The following ST8SIA2 variants were observed in gnomAD, a reference collection of about 807,000 sequenced individuals.
The protein encoded by ST8SIA2 is ST8 alpha-N-acetyl-neuraminide alpha-2,8-sialyltransferase 2.
Under a neutral mutation model 37.6 loss-of-function variants are expected in ST8SIA2, and 22 were observed. That is an observed-to-expected ratio of 0.58 (90% CI 0.42 to 0.83). The LOEUF is 0.83. ST8SIA2 is among the 40% of genes least tolerant of loss of function. The pLI is 0.00. For synonymous variants in ST8SIA2, 205 were observed against 201.2 expected (o/e 1.02, Z -0.16); for missense variants, 382 against 484.7 (o/e 0.79, Z 1.99).
At chr15:92,435,130 G>A (rs2049747259) in intron 3 of ST8SIA2, among the ~76,000 whole-genome samples, 1 of 152,224 alleles carries the variant, frequency 6.6e-6, no homozygotes, top group Non-Finnish European at 1.5e-5. Context: ...TGGGGCCCCA[G>A]GAGTGCTAGC....
intron 1 of ST8SIA2, among the ~76,000 whole-genome samples, chr15:92,424,368 G>A (rs1403995136): frequency 6.6e-5 from 10 of 152,124 alleles, no homozygotes; most frequent in East Asian, 3.9e-4. Context: ...ACACAGTTAC[G>A]AATTTTCAAT....
chr15:92,394,588 G>A (rs1056576167), intron 1 of ST8SIA2, among the ~76,000 whole-genome samples: 1 of 152,174 alleles, frequency 6.6e-6, no homozygotes, highest in African/African-American at 2.4e-5. Flanking sequence ...AAAGTGGGCA[G>A]GGGGCGCGCA....
intron 1 of ST8SIA2, among the ~76,000 whole-genome samples, chr15:92,405,080 C>G (rs1214440590): frequency 6.9e-6 from 1 of 145,214 alleles, no homozygotes; most frequent in Non-Finnish European, 1.5e-5. Flanking sequence ...GGCAATATAG[C>G]AAGACCCTGT....
chr15:92,436,219 A>G (rs1218162041), intron 3 of ST8SIA2, among the ~76,000 whole-genome samples: 3 of 152,096 alleles, frequency 2.0e-5, no homozygotes, highest in Admixed American at 6.5e-5. Context: ...GGAGGTGGGC[A>G]TATATTTTAG....
At chr15:92,412,050 G>A (rs114115207) in intron 1 of ST8SIA2, among the ~76,000 whole-genome samples, 4,211 of 152,154 alleles carry the variant, frequency 0.028, 195 homozygotes, top group African/African-American at 0.093. Flanking sequence ...CCAGGTTGTC[G>A]GCAGATCCCC....
intron 3 of ST8SIA2, among the ~76,000 whole-genome samples, chr15:92,436,625 G>A (rs182919941): frequency 2.6e-5 from 4 of 152,286 alleles, no homozygotes; most frequent in Admixed American, 2.0e-4. Context: ...TTTGGGGTAA[G>A]TAATTGCAAA....
chr15:92,427,053 C>T (rs1024815715), intron 1 of ST8SIA2, among the ~76,000 whole-genome samples: 11 of 152,152 alleles, frequency 7.2e-5, no homozygotes, highest in African/African-American at 1.9e-4. Flanking sequence ...GAGATCAGGC[C>T]ACTGCACTGT....
intron 4 of ST8SIA2, among the ~76,000 whole-genome samples, chr15:92,440,087 C>G (rs1362427753): frequency 6.6e-6 from 1 of 152,170 alleles, no homozygotes; most frequent in Non-Finnish European, 1.5e-5. Flanking sequence ...CAGATTTTGG[C>G]CACAGTTTCC....
At chr15:92,421,450 G>A (rs1297539865) in intron 1 of ST8SIA2, 1 of 152,112 alleles carries the variant, frequency 6.6e-6, no homozygotes, top group Non-Finnish European at 1.5e-5. Context: ...AAATTCAAAA[G>A]AAGAATAACA....
chr15:92,437,023 G>A (rs769136622), intron 3 of ST8SIA2, among the ~76,000 whole-genome samples: 4 of 152,318 alleles, frequency 2.6e-5, no homozygotes, highest in African/African-American at 4.8e-5. Flanking sequence ...CTACTGGAAC[G>A]TACCATAGGT....
chr15:92,416,779 C>T (rs541954213), intron 1 of ST8SIA2, among the ~76,000 whole-genome samples: 36 of 152,194 alleles, frequency 2.4e-4, no homozygotes, highest in South Asian at 8.3e-4. Flanking sequence ...TCGGATGTGC[C>T]TCTTGTGCTG....
chr15:92,451,160 A>T (rs1008881434), intron 5 of ST8SIA2, among the ~76,000 whole-genome samples: 1 of 152,210 alleles, frequency 6.6e-6, no homozygotes, highest in Non-Finnish European at 1.5e-5. Flanking sequence ...GCCACCCAGC[A>T]TCTAAGTGGC....
chr15:92,446,572 C>T (rs1230607405), intron 5 of ST8SIA2, among the ~76,000 whole-genome samples: 1 of 152,218 alleles, frequency 6.6e-6, no homozygotes, highest in Admixed American at 6.5e-5. Context: ...CTGTTCTATA[C>T]ACTAAGACAC....
At chr15:92,394,694 G>A (rs77308586) in intron 1 of ST8SIA2, among the ~76,000 whole-genome samples, 2 of 152,152 alleles carry the variant, frequency 1.3e-5, no homozygotes, top group Non-Finnish European at 2.9e-5. Context: ...TGCACACACA[G>A]ACAGGCACAC....
chr15:92,402,025 G>GGAT (rs2049475867), intron 1 of ST8SIA2, among the ~76,000 whole-genome samples: 1 of 151,950 alleles, frequency 6.6e-6, no homozygotes, highest in Non-Finnish European at 1.5e-5. Flanking sequence ...TTTTCCTTTG[G>GGAT]GATACTAAGA....
chr15:92,425,696 G>A (rs2049670410), intron 1 of ST8SIA2, among the ~76,000 whole-genome samples: 1 of 152,208 alleles, frequency 6.6e-6, no homozygotes, highest in South Asian at 2.1e-4. Context: ...AATGGGCACG[G>A]TGGGGCCAGA....
intron 2 of ST8SIA2, among the ~76,000 whole-genome samples, chr15:92,432,759 T>C (rs1304847293): frequency 6.6e-6 from 1 of 152,112 alleles, no homozygotes; most frequent in African/African-American, 2.4e-5. Flanking sequence ...GTCAGAAATA[T>C]TGAGGAATGG....
chr15:92,466,758 G>T lies in ST8SIA2; in HGVS notation c.*2373G>T. On this transcript the variant is annotated 3_prime_UTR_variant, in exon 6 of 6. Transcript: ENST00000268164. Reference sequence around the variant, plus strand: ...TGCACCGTTCCCCTCCTCGGCTTGAGTCCTGCACTACCAAAATGGCCTGGC... The same window carrying T: ...TGCACCGTTCCCCTCCTCGGCTTGATTCCTGCACTACCAAAATGGCCTGGC... 6.6e-6 allele frequency: 1 copy of T among 152,408 alleles called. No homozygotes were observed. The highest frequency in any genetic ancestry group is 1.5e-5 in the Non-Finnish European group (1 of 68,140). The allele number at this position is 152,408 out of a possible 1,614,324, so 9.4% of individuals were successfully genotyped here.
At chr15:92,448,939 G>T (rs1038311675) in intron 5 of ST8SIA2, among the ~76,000 whole-genome samples, 47 of 134,248 alleles carry the variant, frequency 3.5e-4, no homozygotes, top group Admixed American at 2.7e-3. Flanking sequence ...TAGGGTATGT[G>T]GGGGGGGGTG....
Sources: gnomAD v4.1 joint callset for allele counts (sites outside exome capture counted in the v4.1 genomes callset) on GRCh38, gnomAD v4.1.1 for gene constraint, MANE v1.5 for transcripts, NCBI Gene and HGNC (gene_info 2026-07-23, HGNC 2026-07-21) for gene names.